CACNA2D4: variants seen among roughly 807,000 people sequenced by gnomAD.
CACNA2D4 encodes calcium voltage-gated channel auxiliary subunit alpha2delta 4.
CACNA2D4 carries 157 observed loss-of-function variants against 163.8 expected under a neutral mutation model. The ratio of observed to expected loss-of-function variants is 0.96; its 90% confidence interval spans 0.84 to 1.09. The LOEUF (loss-of-function observed/expected upper bound fraction) is 1.09, where lower values mean the gene tolerates loss of function less well. Ranked by LOEUF, CACNA2D4 falls within the 50% of genes least tolerant of loss-of-function variation. The pLI, the probability that CACNA2D4 is intolerant of heterozygous loss-of-function variation, is 0.00. For missense variants in CACNA2D4, 1,410 were observed against 1,479.9 expected, an observed-to-expected ratio of 0.95 and a Z score of 0.78; for synonymous variants, 598 against 586.9, an observed-to-expected ratio of 1.02 and a Z score of -0.27.
intron 29 of CACNA2D4, among the ~76,000 whole-genome samples, chr12:1,808,852 A>C (rs1053199107): frequency 6.6e-6 from 1 of 152,198 alleles, no homozygotes; most frequent in Non-Finnish European, 1.5e-5. Flanking sequence ...ACAACGGAAA[A>C]ATACAAAGGT....
At chr12:1,856,146 T>C in intron 21 of CACNA2D4, 37 bp from the exon 22 acceptor site, 1 of 1,613,820 alleles carries the variant, frequency 6.2e-7, no homozygotes, top group Non-Finnish European at 8.5e-7. Flanking sequence ...CTCAAAACAT[T>C]CCACCTGTCT....
Position 1,883,820 on chromosome 12 carries a change from C to G in CACNA2D4, c.1351+423G>C, listed in dbSNP as rs1866066467. On this transcript the variant is annotated intron_variant, in intron 12 of 37. Transcript: ENST00000382722. The surrounding 1 kb of genome is among the most constrained non-coding windows in gnomAD (Gnocchi z 4.5). ...GACAATACTGAGAGGTAGACCGACC[C>G]TGAGTCCATCCTGATCCCTCTTGGT... Among the ~76,000 whole-genome samples the G allele has an allele frequency of 1.3e-5, 2 of 152,210 alleles. No individual in the cohort carries two copies. Among genetic ancestry groups the G allele is most frequent in the Non-Finnish European group, 2.9e-5 (2 of 68,038 alleles).
At chr12:1,813,089 C>G (rs928850230) in intron 26 of CACNA2D4, among the ~76,000 whole-genome samples, 2 of 152,124 alleles carry the variant, frequency 1.3e-5, no homozygotes, top group South Asian at 4.1e-4. Context: ...GTGATCTTTG[C>G]GTTTCGTCTC....
chr12:1,868,068 A>G (rs1044085772), intron 18 of CACNA2D4, among the ~76,000 whole-genome samples: 1 of 152,228 alleles, frequency 6.6e-6, no homozygotes, highest in African/African-American at 2.4e-5. Flanking sequence ...GAGCCTAAAG[A>G]AATGAAAAGT....
intron 22 of CACNA2D4, 61 bp from the exon 23 acceptor site, chr12:1,854,105 C>T (rs1193785548): frequency 1.6e-6 from 2 of 1,244,736 alleles, no homozygotes; most frequent in Admixed American, 2.2e-5. Context: ...GAACACAACT[C>T]TCCCATCCTA....
In CACNA2D4 at chr12:1,907,679, G is replaced by GGA; in HGVS notation, c.650-109_650-108insTC. On this transcript the variant is annotated intron_variant, in intron 5 of 37. Transcript: ENST00000382722. ...CGTGTCTGGTGGGCGTGTCTGGTAA[G>GGA]CGTGCCTGGTGGGTGTGCCTGGTGG... 8.2e-6 allele frequency: 10 copies of GGA among 1,213,198 alleles called. No individual in the cohort carries two copies. The South Asian group carries it at 1.4e-4, about 17-fold the overall frequency. 75.2% of individuals were successfully genotyped at this position (1,213,198 alleles called of 1,614,324 possible).
chr12:1,908,077 A>G, intron 4 of CACNA2D4, 40 bp from the exon 5 acceptor site: 1 of 1,579,994 alleles, frequency 6.3e-7, no homozygotes, highest in Admixed American at 1.7e-5. Flanking sequence ...CGGCCCGAGC[A>G]CCGGGACAGG....
At position 1,799,398 on chromosome 12, in the gene CACNA2D4, G is replaced by A. The variant is rs769258784; in HGVS notation, c.2995+277C>T. ...CACTCATACTGGCTCATGGCCACCC[G>A]GCCACACCACCGGCTTCCTCTTGGA... On this transcript the variant is annotated intron_variant, in intron 34 of 37. Coordinates refer to ENST00000382722, the MANE Select transcript of CACNA2D4 (RefSeq NM_172364.5). The surrounding 1 kb of genome is among the most constrained non-coding windows in gnomAD (Gnocchi z 4.7). Among the ~76,000 whole-genome samples, 9 of 152,134 alleles carry A rather than the reference G, an allele frequency of 5.9e-5. No homozygotes were observed. Among genetic ancestry groups the A allele is most frequent in the East Asian group, 1.9e-4 (1 of 5,182 alleles).
intron 23 of CACNA2D4, among the ~76,000 whole-genome samples, chr12:1,851,176 C>T (rs1199093296): frequency 6.6e-6 from 1 of 152,230 alleles, no homozygotes; most frequent in African/African-American, 2.4e-5. Context: ...AGCCACTACA[C>T]CCGACCACAG....
chr12:1,912,978 A>G, intron 3 of CACNA2D4, 45 bp downstream of exon 3: 1 of 1,282,466 alleles, frequency 7.8e-7, no homozygotes, highest in Non-Finnish European at 1.1e-6. Flanking sequence ...CACCTGCGTC[A>G]TGGGGCTGGG....
At chr12:1,895,097 A>G (rs1311813116) in intron 6 of CACNA2D4, among the ~76,000 whole-genome samples, 1 of 152,176 alleles carries the variant, frequency 6.6e-6, no homozygotes, top group African/African-American at 2.4e-5. Context: ...CCAATAATGA[A>G]CTAGCTGAGA....
chr12:1,885,876 A>G lies in CACNA2D4; in HGVS notation c.1068+89T>C, dbSNP rs10774003. 713,076 of 937,206 alleles carry G rather than the reference A, an allele frequency of 0.76. 272,951 individuals carry two copies. The highest frequency in any genetic ancestry group is 0.9 in the East Asian group (34,898 of 38,648). The allele number at this position is 937,206 out of a possible 1,614,324, so 58.1% of individuals were successfully genotyped here. A position where few individuals can be genotyped will look rare whatever the true frequency, so the allele number is the denominator to read the frequency against. On this transcript the variant is annotated intron_variant, in intron 9 of 37. Coordinates refer to ENST00000382722, the MANE Select transcript of CACNA2D4 (RefSeq NM_172364.5). The stretch of plus-strand genomic sequence containing the variant: ...CCAGGTGCCATGGGAATAAGCAAAA[A>G]GGGCCACAGAAACAGTCTACAGAGA...
chr12:1,914,800 G>C (rs1186480082), intron 2 of CACNA2D4, 54 bp downstream of exon 2: 1 of 1,274,380 alleles, frequency 7.8e-7, no homozygotes, highest in Admixed American at 1.7e-5. Context: ...TGGGGGCTTC[G>C]ATGGCTGACT....
rs571332651 is a variant in CACNA2D4, at chr12:1,818,904, T to C, written c.2552-7181A>G. 3.0e-4 allele frequency among the ~76,000 whole-genome samples: 44 copies of C among 148,340 alleles called. No individual in the cohort carries two copies. In the East Asian group the frequency reaches 6.7e-3, roughly 22 times the overall value. ...AAAACCAGAGACCTTTGTTCACATGTTTATCTGCTGACCTTCCCTCCACTA... is the reference window on the plus strand; with the variant it reads ...AAAACCAGAGACCTTTGTTCACATGCTTATCTGCTGACCTTCCCTCCACTA... On this transcript the variant is annotated intron_variant, in intron 26 of 37. Transcript: ENST00000382722.
At position 1,834,744 on chromosome 12, in the gene CACNA2D4, G is replaced by A; in HGVS notation, c.2551+5995C>T. Reference sequence around the variant, plus strand: ...TGAGCGCCCATCCCCACCCGGCCAGGTAGGAAGGGCGGGGAGAGCACACGG... The same window carrying A: ...TGAGCGCCCATCCCCACCCGGCCAGATAGGAAGGGCGGGGAGAGCACACGG... On this transcript the variant is annotated intron_variant, in intron 26 of 37. Coordinates refer to ENST00000382722, the MANE Select transcript of CACNA2D4 (RefSeq NM_172364.5). The surrounding 1 kb of genome is among the most constrained non-coding windows in gnomAD (Gnocchi z 7.6). 1.3e-6 allele frequency: 2 copies of A among 1,565,948 alleles called. No individual in the cohort carries two copies. The highest frequency in any genetic ancestry group is 1.7e-6 in the Non-Finnish European group (2 of 1,158,070).
rs927257946 is a variant in CACNA2D4 at position 1,915,907 on chromosome 12, C to T, written c.228-972G>A. Among the ~76,000 whole-genome samples, 3 of 152,230 alleles carry T rather than the reference C, an allele frequency of 2.0e-5. No individual in the cohort carries two copies. In the South Asian group the frequency reaches 6.2e-4, roughly 32 times the overall value. ...ACCATGTGGCAGCCTGGAGCCACCCCACAGTCCCCACCCTTGCAGGGACAG... is the reference window on the plus strand; with the variant it reads ...ACCATGTGGCAGCCTGGAGCCACCCTACAGTCCCCACCCTTGCAGGGACAG... On this transcript the variant is annotated intron_variant, in intron 1 of 37. Transcript: ENST00000382722.
chr12:1,885,865 A>G, intron 9 of CACNA2D4, 100 bp downstream of exon 9: 2 of 847,652 alleles, frequency 2.4e-6, no homozygotes, highest in Non-Finnish European at 3.8e-6. Context: ...GTGCCATGGG[A>G]ATAAGCAAAA....
intron 13 of CACNA2D4, among the ~76,000 whole-genome samples, chr12:1,882,469 A>G (rs1866026435): frequency 7.4e-6 from 1 of 135,294 alleles, no homozygotes; most frequent in Admixed American, 8.3e-5. Context: ...GCAGGGACCC[A>G]GGAAGGGAGA....
chr12:1,910,892 T>C (rs1428147492), intron 3 of CACNA2D4, among the ~76,000 whole-genome samples: 2 of 152,164 alleles, frequency 1.3e-5, no homozygotes, highest in Non-Finnish European at 2.9e-5. Context: ...GGATTCTGTT[T>C]GGGGCGATGA....
Sources: allele counts gnomAD v4.1 joint callset (sites outside exome capture counted in the v4.1 genomes callset), GRCh38; gene constraint gnomAD v4.1.1; non-coding constraint Gnocchi (gnomAD v3.1); transcripts MANE v1.5; gene names NCBI Gene and HGNC (gene_info 2026-07-23, HGNC 2026-07-21).